The following DENND3 variants were observed in gnomAD, a reference collection of about 807,000 sequenced individuals.
The protein encoded by DENND3 is DENN domain-containing protein 3.
DENND3 carries 88 observed loss-of-function variants against 135.1 expected under a neutral mutation model. That is an observed-to-expected ratio of 0.65 (90% CI 0.55 to 0.78). The LOEUF (loss-of-function observed/expected upper bound fraction) is 0.78. Ranked by LOEUF, DENND3 falls within the 30% of genes least tolerant of loss-of-function variation. DENND3 has a pLI of 0.00. For synonymous variants in DENND3, 693 were observed against 712.3 expected (o/e 0.97, Z 0.43); for missense variants, 1,392 against 1,688.4 (o/e 0.82, Z 3.08).
At position 141,145,803 on chromosome 8, in the gene DENND3, T is replaced by TTATATA. The variant is rs60546894; in HGVS notation, c.735+1586_735+1591dup. Among the ~76,000 whole-genome samples the TTATATA allele has an allele frequency of 2.5e-3, 215 of 86,994 alleles. 1 individual carries two copies. The highest frequency in any genetic ancestry group is 4.1e-3 in the Non-Finnish European group (181 of 44,438). The allele number at this position is 86,994 out of a possible 152,430, so 57.1% of individuals were successfully genotyped here. ...GTTTATTTGTCTTTAATATTGAATATTATATATATATATATATATATATAT... is the reference window on the plus strand; with the variant it reads ...GTTTATTTGTCTTTAATATTGAATATTATATATATATATATATATATATATATATAT... On this transcript the variant is annotated intron_variant, in intron 5 of 22. Coordinates refer to ENST00000519811, the MANE Select transcript of DENND3 (RefSeq NM_001352890.3).
In DENND3 at chr8:141,154,469, T is replaced by C. The variant is rs1481028800; in HGVS notation, c.1075-1380T>C. ...TGGTGCCCTCACTGGAGTTCTGGAA[T>C]GCTCCCTCCAAGACTCCCAAAAAGC... On this transcript the variant is annotated intron_variant, in intron 7 of 22. Coordinates refer to ENST00000519811, the MANE Select transcript of DENND3 (RefSeq NM_001352890.3). This position sits in a 1 kb window ranked among gnomAD's most constrained non-coding sequence, Gnocchi z 4.4. Among the ~76,000 whole-genome samples the C allele has an allele frequency of 6.6e-6, 1 of 152,154 alleles. No individual in the cohort carries two copies. The highest frequency in any genetic ancestry group is 1.5e-5 in the Non-Finnish European group (1 of 68,034).
At chr8:141,186,974 T>C (rs1463814851) in intron 18 of DENND3, among the ~76,000 whole-genome samples, 2 of 152,224 alleles carry the variant, frequency 1.3e-5, no homozygotes, top group Non-Finnish European at 2.9e-5. Context: ...CCCCGCACCG[T>C]GGCCTGCGCG....
rs1255508568 is a variant in DENND3, at chr8:141,153,244, C to T, written c.1074+1407C>T. Among the ~76,000 whole-genome samples the T allele has an allele frequency of 5.3e-5, 8 of 151,992 alleles. No homozygotes were observed. The East Asian group carries it at 1.5e-3, about 29-fold the overall frequency. On this transcript the variant is annotated intron_variant, in intron 7 of 22. Transcript: ENST00000519811. ...GAGTAGCTGGGACTACAGGCATGTG[C>T]CACCACACCTGGCTAATTTTTGTAT...
In DENND3 at chr8:141,144,380, A is replaced by G. The variant is rs932669108; in HGVS notation, c.735+121A>G. 1.0e-6 allele frequency: 1 copy of G among 975,900 alleles called. No individual in the cohort carries two copies. Among genetic ancestry groups the G allele is most frequent in the South Asian group, 1.8e-5 (1 of 54,422 alleles). The allele number at this position is 975,900 out of a possible 1,614,324, so 60.5% of individuals were successfully genotyped here. A position where few individuals can be genotyped will look rare whatever the true frequency, so the allele number is the denominator to read the frequency against. ...CTAGCTGTTGTAAACCTAAAATAAC[A>G]TCCTAACCCCCCCGCCTCCCCACAG... On this transcript the variant is annotated intron_variant, in intron 5 of 22. Transcript: ENST00000519811. The surrounding 1 kb of genome is among the most constrained non-coding windows in gnomAD (Gnocchi z 4.4).
Position 141,168,034 on chromosome 8 carries a change from C to T in DENND3, c.1784C>T (p.Thr595Ile). 6.2e-7 allele frequency: 1 copy of T among 1,613,568 alleles called. No individual in the cohort carries two copies. The highest frequency in any genetic ancestry group is 8.5e-7 in the Non-Finnish European group (1 of 1,179,722). The stretch of plus-strand genomic sequence containing the variant: ...AATGTCACGCCGAAGTCCCCGTATA[C>T]ATTCAAGATTCCCGAAATCCACTTT... ...VLNVTPKSPY[T>I]FKIPEIHFPL... is the part of the protein sequence containing the mutation. Residue 595 changes from threonine (T) to isoleucine (I), a missense_variant, in exon 13 of 23, where the codon ACA becomes ATA. Thr to Ile is a moderately conservative substitution (Grantham distance 89, BLOSUM62 -1). Transcript: ENST00000519811. The surrounding 1 kb of genome is among the most constrained non-coding windows in gnomAD (Gnocchi z 6.2).
chr8:141,192,224 T>TC lies in DENND3; in HGVS notation c.3380-100dup, dbSNP rs546912377. 3.6e-4 allele frequency: 541 copies of TC among 1,484,914 alleles called. 2 individuals carry two copies. In the African/African-American group the frequency reaches 5.3e-3, roughly 15 times the overall value. 92.0% of individuals were successfully genotyped at this position (1,484,914 alleles called of 1,614,324 possible). ...TCAGGCGCCAGGTGGCACGTGGTGA[T>TC]CCCCCCCATCACCACGCTGGAAAGA... On this transcript the variant is annotated intron_variant, in intron 20 of 22. Transcript: ENST00000519811.
At position 141,148,037 on chromosome 8, in the gene DENND3, A is replaced by G. The variant is rs117674697; in HGVS notation, c.736-2797A>G. On this transcript the variant is annotated intron_variant, in intron 5 of 22. Transcript: ENST00000519811. ...TAGGGAATGTCATACATGAGTGTTT[A>G]TTGTTTTGAATAAATCCAAGAGGTC... Among the ~76,000 whole-genome samples the G allele has an allele frequency of 1.4e-4, 22 of 152,220 alleles. No individual in the cohort carries two copies. The East Asian group carries it at 4.2e-3, about 29-fold the overall frequency.
Position 141,160,769 on chromosome 8 carries a change from T to C in DENND3, c.1334T>C (p.Leu445Pro). The C allele has an allele frequency of 6.2e-7, 1 of 1,611,800 alleles. No individual in the cohort carries two copies. Among genetic ancestry groups the C allele is most frequent in the Non-Finnish European group, 8.5e-7 (1 of 1,178,790 alleles). ...NCQIQQTTLQ[L>P]LVSIFRDVKN... The stretch of plus-strand genomic sequence containing the variant: ...CAGATACAGCAGACCACCCTGCAGC[T>C]GCTCGTGAGCATCTTCAGGTACGTG... The change falls in exon 9 of 23, where the codon CTG (leucine) becomes CCG (proline). Residue 445 changes from leucine to proline, a missense_variant. Physicochemically the swap from Leu to Pro is moderately conservative, Grantham distance 98 (BLOSUM62 -3). Transcript: ENST00000519811.
rs1157176340 is a variant in DENND3 at position 141,163,907 on chromosome 8, CAAAAAAA to C, written c.1449+493_1449+499del. 2.7e-4 allele frequency among the ~76,000 whole-genome samples: 15 copies of C among 55,910 alleles called. No homozygotes were observed. In the Admixed American group the frequency reaches 2.8e-3, roughly 10 times the overall value. The allele number at this position is 55,910 out of a possible 152,430, so 36.7% of individuals were successfully genotyped here. ...TGGGCGACAGAGCAAGACTCCGTCT[CAAAAAAA>C]AAAAAAAAAAAAAAGTATAATTTAC... On this transcript the variant is annotated intron_variant, in intron 10 of 22. Transcript: ENST00000519811.
At chr8:141,172,651 T>C (rs1821777155) in intron 13 of DENND3, among the ~76,000 whole-genome samples, 1 of 152,200 alleles carries the variant, frequency 6.6e-6, no homozygotes. Flanking sequence ...GCCGATTCAC[T>C]CTCACTTGCT....
intron 18 of DENND3, chr8:141,188,738 CGT>C: frequency 2.1e-6 from 1 of 465,420 alleles, no homozygotes; most frequent in South Asian, 3.4e-5. Flanking sequence ...CCGTGGGTTT[CGT>C]GTTAATGAAT....
rs1444110136 is a variant in DENND3 at position 141,155,084 on chromosome 8, T to C, written c.1075-765T>C. On this transcript the variant is annotated intron_variant, in intron 7 of 22. Transcript: ENST00000519811. ...GAGGTCCCTAGAGGAGTCAAATTCA[T>C]GGAGACAGAAAGCAGATTAGTGGGC... 2.6e-5 allele frequency among the ~76,000 whole-genome samples: 4 copies of C among 152,240 alleles called. No homozygotes were observed. The East Asian group carries it at 5.8e-4, about 22-fold the overall frequency.
intron 5 of DENND3, among the ~76,000 whole-genome samples, chr8:141,145,834 TATATATA>T (rs1818019030): frequency 3.6e-5 from 3 of 82,334 alleles, no homozygotes; most frequent in African/African-American, 2.6e-4. Flanking sequence ...TATATATATA[TATATATA>T]TATATATATG....
At position 141,142,596 on chromosome 8, in the gene DENND3, G is replaced by A. The variant is rs151304470; in HGVS notation, c.623+1272G>A. 5.3e-3 allele frequency: 1,773 copies of A among 331,850 alleles called. 5 individuals are homozygous for A. Among genetic ancestry groups the A allele is most frequent in the Admixed American group, 0.011 (241 of 22,140 alleles). 20.6% of individuals were successfully genotyped at this position (331,850 alleles called of 1,614,324 possible). On this transcript the variant is annotated intron_variant, in intron 4 of 22. Coordinates refer to ENST00000519811, the MANE Select transcript of DENND3 (RefSeq NM_001352890.3). The stretch of plus-strand genomic sequence containing the variant: ...TTTATTGCCATAGACATAAAATATC[G>A]TTGAGAACAGAGAGGTGACTTGGTC...
At position 141,139,572 on chromosome 8, in the gene DENND3, A is replaced by C. The variant is rs1211225244; in HGVS notation, c.501+1435A>C. ...AGGGATGAGAGGAAGGTGCCCCTCC[A>C]CGTAGCCAGTGTTCCAGATGAGAAA... On this transcript the variant is annotated intron_variant, in intron 3 of 22. Coordinates refer to ENST00000519811, the MANE Select transcript of DENND3 (RefSeq NM_001352890.3). The surrounding 1 kb of genome is among the most constrained non-coding windows in gnomAD (Gnocchi z 4.2). 1.3e-5 allele frequency among the ~76,000 whole-genome samples: 2 copies of C among 152,204 alleles called. No homozygotes were observed. Among genetic ancestry groups the C allele is most frequent in the Non-Finnish European group, 2.9e-5 (2 of 68,034 alleles).
chr8:141,185,141 C>A lies in DENND3; in HGVS notation c.2947C>A (p.His983Asn). Reference protein sequence around the residue: ...AVDVLLYTPGHLDPAEKVEDA... With the variant: ...AVDVLLYTPGNLDPAEKVEDA... ...TTTTGTGCTGCTCTCCTCTTTAGGGCATCTTGACCCAGCCGAAAAAGTTGA... is the reference window on the plus strand; with the variant it reads ...TTTTGTGCTGCTCTCCTCTTTAGGGAATCTTGACCCAGCCGAAAAAGTTGA... Residue 983 changes from histidine (H) to asparagine (N), a missense_variant and splice_region_variant, in exon 18 of 23, where the codon CAT becomes AAT. Coordinates refer to ENST00000519811, the MANE Select transcript of DENND3 (RefSeq NM_001352890.3). 1 of 1,613,266 alleles carries A rather than the reference C, an allele frequency of 6.2e-7. No individual in the cohort carries two copies. The highest frequency in any genetic ancestry group is 8.5e-7 in the Non-Finnish European group (1 of 1,179,426).
chr8:141,181,233 A>T (rs1823058664), intron 17 of DENND3, among the ~76,000 whole-genome samples: 1 of 152,060 alleles, frequency 6.6e-6, no homozygotes, highest in African/African-American at 2.4e-5. Context: ...ATCTTGGCTC[A>T]CTGCATCCTC....
chr8:141,184,255 T>C (rs549926450), intron 17 of DENND3, among the ~76,000 whole-genome samples: 1 of 152,366 alleles, frequency 6.6e-6, no homozygotes. Context: ...TGCTTTATGG[T>C]ATTTTTATAT....
chr8:141,165,743 C>T (rs1027338209), intron 11 of DENND3, among the ~76,000 whole-genome samples: 1 of 152,214 alleles, frequency 6.6e-6, no homozygotes, highest in Non-Finnish European at 1.5e-5. Context: ...GGATTACAGG[C>T]ATGAGCCACC....
Sources: allele counts gnomAD v4.1 joint callset (sites outside exome capture counted in the v4.1 genomes callset), GRCh38; gene constraint gnomAD v4.1.1; non-coding constraint Gnocchi (gnomAD v3.1); transcripts MANE v1.5; gene names NCBI Gene and HGNC (gene_info 2026-07-23, HGNC 2026-07-21).